The following SLC4A10 variants were observed in gnomAD, a reference collection of about 807,000 sequenced individuals.
The protein encoded by SLC4A10 is solute carrier family 4 member 10.
A neutral mutation model predicts 137.7 loss-of-function variants in SLC4A10; 42 were observed. The ratio of observed to expected loss-of-function variants is 0.30; its 90% CI spans 0.24 to 0.39. The LOEUF is 0.39. Ranked by LOEUF, SLC4A10 falls within the 10% of genes least tolerant of loss-of-function variation. The pLI, the probability that SLC4A10 is intolerant of heterozygous loss-of-function variation, is 1.00. For missense variants in SLC4A10, 925 were observed against 1,355.0 expected (o/e 0.68, Z 4.98); for synonymous variants, 474 against 464.1 (o/e 1.02, Z -0.27).
chr2:161,969,719 GA>G (rs1446612553), intron 23 of SLC4A10, among the ~76,000 whole-genome samples: 3 of 152,146 alleles, frequency 2.0e-5, no homozygotes, highest in African/African-American at 7.2e-5. Flanking sequence ...AAAACAAAAA[GA>G]GGGCAAATGG....
At chr2:161,977,001 C>A in intron 25 of SLC4A10, 125 bp downstream of exon 25, 1 of 552,554 alleles carries the variant, frequency 1.8e-6, no homozygotes, top group Non-Finnish European at 3.1e-6. Flanking sequence ...AAATTCTTTC[C>A]AAAAGTGGGT....
intron 10 of SLC4A10, among the ~76,000 whole-genome samples, chr2:161,883,311 A>C (rs894161825): frequency 6.6e-6 from 1 of 152,168 alleles, no homozygotes; most frequent in East Asian, 1.9e-4. Context: ...AAATTCTGTA[A>C]AAAGAGCCAA....
At chr2:161,662,429 A>T (rs1194103463) in intron 1 of SLC4A10, among the ~76,000 whole-genome samples, 1 of 152,152 alleles carries the variant, frequency 6.6e-6, no homozygotes, top group Non-Finnish European at 1.5e-5. Flanking sequence ...AATCTCTGTG[A>T]CTAGAAACTA....
chr2:161,684,943 A>AGGG (rs986762123), intron 1 of SLC4A10, among the ~76,000 whole-genome samples: 2 of 152,152 alleles, frequency 1.3e-5, no homozygotes, highest in African/African-American at 4.8e-5. Flanking sequence ...GAGGCTGGTT[A>AGGG]GGGGGTCAGA....
intron 1 of SLC4A10, among the ~76,000 whole-genome samples, chr2:161,654,303 C>G (rs984973616): frequency 1.3e-5 from 2 of 152,156 alleles, no homozygotes; most frequent in Admixed American, 1.3e-4. Context: ...ATATGGCTTG[C>G]AAATATTTTC....
At chr2:161,901,290 G>A (rs998452686) in intron 12 of SLC4A10, 7 of 327,190 alleles carry the variant, frequency 2.1e-5, no homozygotes, top group Admixed American at 4.7e-5. Context: ...AAGGAAAACC[G>A]TCAATTGACC....
intron 1 of SLC4A10, among the ~76,000 whole-genome samples, chr2:161,762,220 G>T (rs1312661299): frequency 1.3e-5 from 2 of 152,140 alleles, no homozygotes; most frequent in African/African-American, 4.8e-5. Flanking sequence ...GATTTAACTT[G>T]TATTATCATG....
intron 1 of SLC4A10, among the ~76,000 whole-genome samples, chr2:161,737,300 T>G (rs1365139871): frequency 6.6e-6 from 1 of 152,196 alleles, no homozygotes; most frequent in East Asian, 1.9e-4. Context: ...TTAAAATTAC[T>G]GAGTTCAGTT....
chr2:161,782,640 T>G (rs898787504), intron 2 of SLC4A10, among the ~76,000 whole-genome samples: 1 of 150,394 alleles, frequency 6.6e-6, no homozygotes. Context: ...AGCAAAGAGA[T>G]AGAAAATATC....
intron 15 of SLC4A10, among the ~76,000 whole-genome samples, chr2:161,922,735 G>A (rs373466304): frequency 6.6e-6 from 1 of 152,026 alleles, no homozygotes; most frequent in East Asian, 1.9e-4. Flanking sequence ...ATATTCTGTA[G>A]TGTGATTTTA....
At chr2:161,977,851 T>C (rs2105995524) in intron 26 of SLC4A10, 91 bp downstream of exon 26, 1 of 1,273,068 alleles carries the variant, frequency 7.9e-7, no homozygotes, top group East Asian at 2.6e-5. Flanking sequence ...ATGTCCTCTG[T>C]GTGAGTTTTG....
rs556183963 is a variant in SLC4A10, at chr2:161,836,645, A to C, written c.278-3144A>C. Among the ~76,000 whole-genome samples, 5 of 97,458 alleles carry C rather than the reference A, an allele frequency of 5.1e-5. No individual in the cohort carries two copies. The South Asian group carries it at 1.3e-3, about 26-fold the overall frequency. The allele number at this position is 97,458 out of a possible 152,430, so 63.9% of individuals were successfully genotyped here. A position where few individuals can be genotyped will look rare whatever the true frequency, so the allele number is the denominator to read the frequency against. ...AAGAAAAGAAAGAAAAGAAGAAAGA[A>C]AATTTCTGGAAAAAAAAAAACCCCA... On this transcript the variant is annotated intron_variant, in intron 3 of 26. Transcript: ENST00000446997.
chr2:161,659,076 T>C (rs1208959186), intron 1 of SLC4A10, among the ~76,000 whole-genome samples: 1 of 151,946 alleles, frequency 6.6e-6, no homozygotes, highest in African/African-American at 2.4e-5. Context: ...GAAAAAAAAA[T>C]CATTATATAA....
chr2:161,698,169 C>A (rs2124981311), intron 1 of SLC4A10, among the ~76,000 whole-genome samples: 1 of 152,334 alleles, frequency 6.6e-6, no homozygotes, highest in African/African-American at 2.4e-5. Flanking sequence ...TGTCTTGAGA[C>A]TTTGCTGAAG....
At chr2:161,747,127 C>A (rs546837812) in intron 1 of SLC4A10, among the ~76,000 whole-genome samples, 1 of 152,258 alleles carries the variant, frequency 6.6e-6, no homozygotes, top group South Asian at 2.1e-4. Flanking sequence ...AGCACCAGGA[C>A]TTGCTTAGGA....
intron 1 of SLC4A10, among the ~76,000 whole-genome samples, chr2:161,676,699 G>T (rs2040313232): frequency 6.6e-6 from 1 of 152,052 alleles, no homozygotes; most frequent in African/African-American, 2.4e-5. Context: ...TCTATATGTT[G>T]AAAAGAATTG....
In SLC4A10 at chr2:161,624,445, G is replaced by A. The variant is rs2031839935; in HGVS notation, c.-74G>A. 6 of 1,549,350 alleles carry A rather than the reference G, an allele frequency of 3.9e-6. No individual in the cohort carries two copies. Among genetic ancestry groups the A allele is most frequent in the Middle Eastern group, 1.7e-4 (1 of 5,970 alleles). Reference sequence around the variant, plus strand: ...CTACCTGATCCGAATACTAAGCAGAGCGAGTGCCGGGCTGAGTGTAAGACA... The same window carrying A: ...CTACCTGATCCGAATACTAAGCAGAACGAGTGCCGGGCTGAGTGTAAGACA... On this transcript the variant is annotated 5_prime_UTR_variant, in exon 1 of 27. Transcript: ENST00000446997.
intron 3 of SLC4A10, among the ~76,000 whole-genome samples, chr2:161,822,126 G>A (rs2057676808): frequency 6.6e-6 from 1 of 152,178 alleles, no homozygotes; most frequent in Admixed American, 6.5e-5. Flanking sequence ...TTTTAAAGGT[G>A]TGTAGTGAGT....
At chr2:161,729,121 C>T (rs929921414) in intron 1 of SLC4A10, among the ~76,000 whole-genome samples, 2 of 152,076 alleles carry the variant, frequency 1.3e-5, no homozygotes, top group Non-Finnish European at 2.9e-5. Flanking sequence ...ATGCTTTCCA[C>T]ATAAGATGAG....
Sources: allele counts gnomAD v4.1 joint callset (sites outside exome capture counted in the v4.1 genomes callset), GRCh38; gene constraint gnomAD v4.1.1; transcripts MANE v1.5; gene names NCBI Gene and HGNC (gene_info 2026-07-23, HGNC 2026-07-21).